Variants in TMEM140 observed in about 807,000 individuals in gnomAD.
TMEM140 encodes transmembrane protein 140.
For missense variants in TMEM140, 236 were observed against 228.5 expected (o/e 1.03, Z -0.21); for synonymous variants, 107 against 106.8 (o/e 1.00, Z -0.01).
intron 1 of TMEM140, among the ~76,000 whole-genome samples, chr7:135,159,722 C>A (rs1375740334): frequency 6.6e-6 from 1 of 152,156 alleles, no homozygotes; most frequent in East Asian, 1.9e-4. Flanking sequence ...AACTGAAACT[C>A]AAAATTATTT....
At chr7:135,156,763 T>A (rs1307095572) in intron 1 of TMEM140, among the ~76,000 whole-genome samples, 1 of 152,222 alleles carries the variant, frequency 6.6e-6, no homozygotes, top group Non-Finnish European at 1.5e-5. Context: ...TGTGGTTCTT[T>A]GATGATTGTT....
intron 1 of TMEM140, among the ~76,000 whole-genome samples, chr7:135,159,656 T>C (rs757129371): frequency 3.3e-5 from 5 of 152,164 alleles, no homozygotes; most frequent in Non-Finnish European, 5.9e-5. Context: ...ACAACTAAGA[T>C]GGCAAAAGGC....
chr7:135,162,671 G>T (rs1189555645), intron 1 of TMEM140, among the ~76,000 whole-genome samples: 1 of 152,126 alleles, frequency 6.6e-6, no homozygotes, highest in Non-Finnish European at 1.5e-5. Context: ...CCACCCCCAT[G>T]ATCCAATTAC....
At chr7:135,159,054 C>G (rs1027052026) in intron 1 of TMEM140, among the ~76,000 whole-genome samples, 7 of 152,266 alleles carry the variant, frequency 4.6e-5, no homozygotes, top group Middle Eastern at 3.4e-3. Context: ...TTTTGGAGCC[C>G]TAGGGGGTTC....
chr7:135,165,108 C>A lies in TMEM140; in HGVS notation c.*109C>A. The A allele has an allele frequency of 7.3e-7, 1 of 1,372,872 alleles. No individual in the cohort carries two copies. Among genetic ancestry groups the A allele is most frequent in the Admixed American group, 2.7e-5 (1 of 37,056 alleles). The allele number at this position is 1,372,872 out of a possible 1,614,324, so 85.0% of individuals were successfully genotyped here. On this transcript the variant is annotated 3_prime_UTR_variant, in exon 2 of 2. Transcript: ENST00000275767. ...CTGATCTCCAGCTCCAGCGATGGAA[C>A]CCACTACAGAGGAGGTGGGGCCCCT...
At chr7:135,162,324 G>A (rs1408960928) in intron 1 of TMEM140, among the ~76,000 whole-genome samples, 1 of 152,204 alleles carries the variant, frequency 6.6e-6, no homozygotes. Flanking sequence ...CCCTGCTGGG[G>A]CTTCCAGGAG....
Position 135,161,202 on chromosome 7 carries a change from G to C in TMEM140, c.-24-3216G>C, listed in dbSNP as rs1396039808. Among the ~76,000 whole-genome samples, 1 of 152,198 alleles carries C rather than the reference G, an allele frequency of 6.6e-6. No individual in the cohort carries two copies. Among genetic ancestry groups the C allele is most frequent in the African/African-American group, 2.4e-5 (1 of 41,450 alleles). ...TTTGCTCTACATTAAAAGGTCAGTT[G>C]AGAGAAAATGAGGAAGTCAAAACAA... On this transcript the variant is annotated intron_variant, in intron 1 of 1. Coordinates refer to ENST00000275767, the MANE Select transcript of TMEM140 (RefSeq NM_018295.5). The surrounding 1 kb of genome is among the most constrained non-coding windows in gnomAD (Gnocchi z 4.1).
rs752865061 is a variant in TMEM140 at position 135,165,196 on chromosome 7, T to C, written c.*197T>C. The C allele has an allele frequency of 1.6e-4, 89 of 569,140 alleles. No homozygotes were observed. Among genetic ancestry groups the C allele is most frequent in the African/African-American group, 8.6e-4 (46 of 53,566 alleles). The allele number at this position is 569,140 out of a possible 1,614,324, so 35.3% of individuals were successfully genotyped here. A position where few individuals can be genotyped will look rare whatever the true frequency, so the allele number is the denominator to read the frequency against. On this transcript the variant is annotated 3_prime_UTR_variant, in exon 2 of 2. Coordinates refer to ENST00000275767, the MANE Select transcript of TMEM140 (RefSeq NM_018295.5). Reference sequence around the variant, plus strand: ...GCACCTGTGACTTCTTAGTACAAGATTGTCTGTCCTTCAGGACTTCCAAGG... The same window carrying C: ...GCACCTGTGACTTCTTAGTACAAGACTGTCTGTCCTTCAGGACTTCCAAGG...
rs292501 is a variant in TMEM140, at chr7:135,164,528, T to C, written c.87T>C (p.Phe29=). The change falls in exon 2 of 2, where the codon TTT becomes TTC. Residue 29 remains phenylalanine (F), a synonymous_variant. Coordinates refer to ENST00000275767, the MANE Select transcript of TMEM140 (RefSeq NM_018295.5). ...VLVIVVICLM[F]YALLWEAGNL... Reference sequence around the variant, plus strand: ...TGATTGTGGTCATCTGCCTGATGTTTTACGCTCTTCTCTGGGAGGCTGGCA... The same window carrying C: ...TGATTGTGGTCATCTGCCTGATGTTCTACGCTCTTCTCTGGGAGGCTGGCA... 5.6e-4 allele frequency: 899 copies of C among 1,614,198 alleles called. 3 individuals are homozygous for C. Among genetic ancestry groups the C allele is most frequent in the Non-Finnish European group, 6.4e-4 (752 of 1,180,036 alleles).
intron 1 of TMEM140, among the ~76,000 whole-genome samples, chr7:135,162,563 C>T (rs1829971273): frequency 6.6e-6 from 1 of 152,252 alleles, no homozygotes; most frequent in East Asian, 1.9e-4. Flanking sequence ...GCACATCTTA[C>T]ATGGCAGCAG....
chr7:135,164,415 C>T lies in TMEM140; in HGVS notation c.-24-3C>T, dbSNP rs1483786836. 3 of 1,581,220 alleles carry T rather than the reference C, an allele frequency of 1.9e-6. No individual in the cohort carries two copies. Among genetic ancestry groups the T allele is most frequent in the Non-Finnish European group, 2.6e-6 (3 of 1,154,896 alleles). On this transcript the variant is annotated splice_region_variant and splice_polypyrimidine_tract_variant and intron_variant, in intron 1 of 1. Coordinates refer to ENST00000275767, the MANE Select transcript of TMEM140 (RefSeq NM_018295.5). ...TGGACTGACTGCTGTGACTTCCCCG[C>T]AGGTCCCCCGGCAGAGGGCAGTAGA...
chr7:135,159,990 A>G (rs1428511472), intron 1 of TMEM140, among the ~76,000 whole-genome samples: 4 of 152,244 alleles, frequency 2.6e-5, no homozygotes, highest in Non-Finnish European at 5.9e-5. Flanking sequence ...GCATTATAAA[A>G]TAATGTTACA....
Position 135,164,480 on chromosome 7 carries a change from G to C in TMEM140, c.39G>C (p.Leu13=), listed in dbSNP as rs955472527. 2 of 1,604,740 alleles carry C rather than the reference G, an allele frequency of 1.2e-6. No individual in the cohort carries two copies. The highest frequency in any genetic ancestry group is 1.7e-6 in the Non-Finnish European group (2 of 1,172,042). The change falls in exon 2 of 2, where the codon CTG becomes CTC. Residue 13 remains leucine, a synonymous_variant. Transcript: ENST00000275767. ...GGCCTCGGTGGCGCGACCAGCTGCT[G>C]TTCATGAGCATCATAGTCCTCGTGA... is the stretch of plus-strand genomic sequence containing the variant. ...GPRPRWRDQL[L]FMSIIVLVIV...
In TMEM140 at chr7:135,164,733, C is replaced by T. The variant is rs370150432; in HGVS notation, c.292C>T (p.Pro98Ser). 1.9e-6 allele frequency: 3 copies of T among 1,614,210 alleles called. No homozygotes were observed. The African/African-American group carries it at 4.0e-5, about 22-fold the overall frequency. The change falls in exon 2 of 2, where the codon CCC becomes TCC. Residue 98 changes from proline to serine, a missense_variant. Transcript: ENST00000275767. ...YGSLVLTLFA[P>S]QPLLLAQCNS... is the part of the protein sequence containing the mutation. Reference sequence around the variant, plus strand: ...GTCCCTGGTCCTCACCCTCTTTGCCCCCCAGCCTCTCCTCCTAGCCCAGTG... The same window carrying T: ...GTCCCTGGTCCTCACCCTCTTTGCCTCCCAGCCTCTCCTCCTAGCCCAGTG...
intron 1 of TMEM140, among the ~76,000 whole-genome samples, chr7:135,163,631 T>G (rs1830005575): frequency 2.0e-5 from 3 of 152,098 alleles, no homozygotes. Context: ...GGTGACAGAG[T>G]GAGGCTCCAT....
intron 1 of TMEM140, among the ~76,000 whole-genome samples, chr7:135,163,343 T>C (rs1829996621): frequency 6.6e-6 from 1 of 152,240 alleles, no homozygotes; most frequent in Non-Finnish European, 1.5e-5. Flanking sequence ...TTTATTATTA[T>C]TTTTAAAATA....
At chr7:135,152,320 C>A (rs1027685632) in intron 1 of TMEM140, among the ~76,000 whole-genome samples, 14 of 152,324 alleles carry the variant, frequency 9.2e-5, no homozygotes, top group Admixed American at 2.0e-4. Flanking sequence ...ATAATAACAT[C>A]CACACAAGGG....
At chr7:135,149,108 C>T (rs1374391707) in intron 1 of TMEM140, among the ~76,000 whole-genome samples, 1 of 152,128 alleles carries the variant, frequency 6.6e-6, no homozygotes, top group African/African-American at 2.4e-5. Flanking sequence ...CACATATTCC[C>T]CTTTCTCAAC....
chr7:135,161,682 A>G lies in TMEM140; in HGVS notation c.-24-2736A>G, dbSNP rs1007721160. ...ACTAATGCCACCTTTTCAATTCCCA[A>G]TAATTCCTTCCGTAACAAGCATCAT... is the stretch of plus-strand genomic sequence containing the variant. On this transcript the variant is annotated intron_variant, in intron 1 of 1. Transcript: ENST00000275767. This position sits in a 1 kb window ranked among gnomAD's most constrained non-coding sequence, Gnocchi z 4.1. 2.6e-5 allele frequency among the ~76,000 whole-genome samples: 4 copies of G among 152,214 alleles called. No individual in the cohort carries two copies. Among genetic ancestry groups the G allele is most frequent in the Non-Finnish European group, 5.9e-5 (4 of 68,038 alleles).
Sources: gnomAD v4.1 joint callset for allele counts (sites outside exome capture counted in the v4.1 genomes callset) on GRCh38, gnomAD v4.1.1 for gene constraint, Gnocchi (gnomAD v3.1) non-coding constraint, MANE v1.5 for transcripts, NCBI Gene and HGNC (gene_info 2026-07-23, HGNC 2026-07-21) for gene names.